Variants in ATP11B observed in about 807,000 individuals in gnomAD.
ATP11B encodes the protein phospholipid-transporting ATPase IF.
A neutral mutation model predicts 157.8 loss-of-function variants in ATP11B; 81 were observed. The observed-to-expected ratio is 0.51, with a 90% CI of 0.43 to 0.62. ATP11B has a LOEUF of 0.62. Among genes scored for constraint, ATP11B ranks in the 20% least tolerant of loss-of-function variants. The pLI, the probability that ATP11B is intolerant of heterozygous loss-of-function variation, is 0.00. For missense variants in ATP11B, 1,165 were observed against 1,402.2 expected, an observed-to-expected ratio of 0.83 and a Z score of 2.70; for synonymous variants, 451 against 469.4, an observed-to-expected ratio of 0.96 and a Z score of 0.51.
chr3:182,884,647 T>C (rs1722677852), intron 21 of ATP11B, 106 bp from the exon 22 acceptor site: 1 of 1,107,440 alleles, frequency 9.0e-7, no homozygotes. Flanking sequence ...TAGGATTTAA[T>C]GTTCCTAAGT....
intron 1 of ATP11B, among the ~76,000 whole-genome samples, chr3:182,813,779 G>A (rs1270843925): frequency 6.6e-6 from 1 of 151,952 alleles, no homozygotes; most frequent in Non-Finnish European, 1.5e-5. Context: ...CCAGGCTGGA[G>A]TGCAGTGGCA....
In ATP11B at chr3:182,848,473, C is replaced by T; in HGVS notation, c.770-3C>T. The T allele has an allele frequency of 6.7e-7, 1 of 1,487,360 alleles. No individual in the cohort carries two copies. Among genetic ancestry groups the T allele is most frequent in the Non-Finnish European group, 9.0e-7 (1 of 1,112,578 alleles). The allele number at this position is 1,487,360 out of a possible 1,614,324, so 92.1% of individuals were successfully genotyped here. A position where few individuals can be genotyped will look rare whatever the true frequency, so the allele number is the denominator to read the frequency against. ...TAAGAGACAATTTTGTTTTATTTTA[C>T]AGGTGTTGCGGTATACACTGGAATG... On this transcript the variant is annotated splice_region_variant and splice_polypyrimidine_tract_variant and intron_variant, in intron 9 of 29. Transcript: ENST00000323116.
intron 12 of ATP11B, among the ~76,000 whole-genome samples, chr3:182,861,466 C>A (rs1256776644): frequency 1.3e-5 from 2 of 152,076 alleles, no homozygotes; most frequent in Non-Finnish European, 2.9e-5. Flanking sequence ...CTTACCTGGA[C>A]CTGAAGTTTG....
At chr3:182,899,266 C>T (rs1490597664) in intron 28 of ATP11B, among the ~76,000 whole-genome samples, 1 of 151,418 alleles carries the variant, frequency 6.6e-6, no homozygotes, top group Non-Finnish European at 1.5e-5. Context: ...AGCAATTCTC[C>T]TCTCTCAGCC....
chr3:182,919,033 A>G lies in ATP11B; in HGVS notation c.*929A>G, dbSNP rs1577131997. The G allele has an allele frequency of 3.3e-5, 5 of 152,166 alleles. No homozygotes were observed. Among genetic ancestry groups the G allele is most frequent in the Admixed American group, 2.6e-4 (4 of 15,280 alleles). 9.4% of individuals were successfully genotyped at this position (152,166 alleles called of 1,614,324 possible). On this transcript the variant is annotated 3_prime_UTR_variant, in exon 30 of 30. Coordinates refer to ENST00000323116, the MANE Select transcript of ATP11B (RefSeq NM_014616.3). Reference sequence around the variant, plus strand: ...CATGACATCGTTGTACAGTTTAACTATATCAATAAAAAGTTTGGACAGTAT... The same window carrying G: ...CATGACATCGTTGTACAGTTTAACTGTATCAATAAAAAGTTTGGACAGTAT...
chr3:182,887,050 G>A (rs1159958607), intron 23 of ATP11B, among the ~76,000 whole-genome samples: 2 of 152,176 alleles, frequency 1.3e-5, no homozygotes, highest in Non-Finnish European at 2.9e-5. Context: ...TAAAGCATAG[G>A]CAAAGTGCTA....
intron 28 of ATP11B, among the ~76,000 whole-genome samples, chr3:182,899,279 GT>G (rs1723786504): frequency 6.7e-6 from 1 of 150,042 alleles, no homozygotes; most frequent in Non-Finnish European, 1.5e-5. Flanking sequence ...TCTCAGCCTT[GT>G]GAGCTGGGAT....
intron 14 of ATP11B, 28 bp downstream of exon 14, chr3:182,866,471 G>A (rs545157626): frequency 1.2e-4 from 177 of 1,463,032 alleles, no homozygotes; most frequent in Non-Finnish European, 1.5e-4. Flanking sequence ...CCAAATCTTC[G>A]GAAAAACACC....
chr3:182,793,723 C>G lies in ATP11B; in HGVS notation c.-37C>G. 7.2e-7 allele frequency: 1 copy of G among 1,396,700 alleles called. No individual in the cohort carries two copies. Among genetic ancestry groups the G allele is most frequent in the Non-Finnish European group, 9.4e-7 (1 of 1,066,796 alleles). 86.5% of individuals were successfully genotyped at this position (1,396,700 alleles called of 1,614,324 possible). A position where few individuals can be genotyped will look rare whatever the true frequency, so the allele number is the denominator to read the frequency against. ...GCCTCCACCTGCAGCCCCGCGGCCC[C>G]CGCGCCCCGCGGGACCCGGACGGCG... On this transcript the variant is annotated 5_prime_UTR_variant, in exon 1 of 30. Coordinates refer to ENST00000323116, the MANE Select transcript of ATP11B (RefSeq NM_014616.3).
chr3:182,874,946 C>T (rs139182258), intron 19 of ATP11B, among the ~76,000 whole-genome samples: 5 of 152,016 alleles, frequency 3.3e-5, no homozygotes, highest in East Asian at 3.9e-4. Context: ...TACTCTCTGG[C>T]CCGTAACAGA....
rs748064365 is a variant in ATP11B, at chr3:182,836,485, G to GT, written c.552+18dup. The GT allele has an allele frequency of 8.1e-6, 13 of 1,613,730 alleles. No individual in the cohort carries two copies. The highest frequency in any genetic ancestry group is 1.1e-5 in the South Asian group (1 of 91,042). The stretch of plus-strand genomic sequence containing the variant: ...CTAACCTGAAGGTTTGCTTGCATAT[G>GT]TTTGAGTATTGCTCTTGGTGAACAA... On this transcript the variant is annotated intron_variant, in intron 6 of 29. Coordinates refer to ENST00000323116, the MANE Select transcript of ATP11B (RefSeq NM_014616.3).
At chr3:182,909,498 C>G (rs951161529) in intron 28 of ATP11B, among the ~76,000 whole-genome samples, 1 of 152,014 alleles carries the variant, frequency 6.6e-6, no homozygotes, top group African/African-American at 2.4e-5. Flanking sequence ...AAGTGGTCTC[C>G]CAAAACATGT....
Position 182,809,235 on chromosome 3 carries a change from C to A in ATP11B, c.28-11025C>A, listed in dbSNP as rs971876176. Among the ~76,000 whole-genome samples the A allele has an allele frequency of 2.0e-5, 3 of 151,644 alleles. No individual in the cohort carries two copies. The East Asian group carries it at 5.8e-4, about 29-fold the overall frequency. ...ATTTTATTTATATTCTATTTTATTTCTTTTATTTAATTTTAATTATTTTAT... is the reference window on the plus strand; with the variant it reads ...ATTTTATTTATATTCTATTTTATTTATTTTATTTAATTTTAATTATTTTAT... On this transcript the variant is annotated intron_variant, in intron 1 of 29. Coordinates refer to ENST00000323116, the MANE Select transcript of ATP11B (RefSeq NM_014616.3).
intron 9 of ATP11B, 136 bp downstream of exon 9, chr3:182,845,658 G>A (rs1719455651): frequency 1.5e-6 from 1 of 646,582 alleles, no homozygotes; most frequent in Non-Finnish European, 2.4e-6. Context: ...TTCTTATAAA[G>A]TTTGTATTAC....
At chr3:182,840,657 G>C (rs535297058) in intron 7 of ATP11B, among the ~76,000 whole-genome samples, 1 of 152,164 alleles carries the variant, frequency 6.6e-6, no homozygotes, top group South Asian at 2.1e-4. Flanking sequence ...AGAAACCTTG[G>C]AATCAGCCGT....
At chr3:182,870,804 A>G (rs1721601977) in intron 17 of ATP11B, among the ~76,000 whole-genome samples, 2 of 151,426 alleles carry the variant, frequency 1.3e-5, no homozygotes, top group South Asian at 2.1e-4. Flanking sequence ...AAACCCCACC[A>G]GTAGTCCCAG....
rs540680833 is a variant in ATP11B, at chr3:182,819,107, C to T, written c.28-1153C>T. ...TTTTTTTTTTTTTGAGACGGAGTCTCTCCCCGTGTCCCAGGCTGGAGTGCA... is the reference window on the plus strand; with the variant it reads ...TTTTTTTTTTTTTGAGACGGAGTCTTTCCCCGTGTCCCAGGCTGGAGTGCA... On this transcript the variant is annotated intron_variant, in intron 1 of 29. Coordinates refer to ENST00000323116, the MANE Select transcript of ATP11B (RefSeq NM_014616.3). 1.2e-3 allele frequency among the ~76,000 whole-genome samples: 154 copies of T among 132,770 alleles called. 2 individuals carry two copies. The highest frequency in any genetic ancestry group is 4.0e-3 in the African/African-American group (141 of 34,992). The allele number at this position is 132,770 out of a possible 152,430, so 87.1% of individuals were successfully genotyped here.
chr3:182,911,128 T>C (rs1189806644), intron 28 of ATP11B, among the ~76,000 whole-genome samples: 1 of 152,086 alleles, frequency 6.6e-6, no homozygotes, highest in Non-Finnish European at 1.5e-5. Context: ...ACAACTGGTC[T>C]TTTTGCAAGG....
chr3:182,861,478 C>T (rs756305187), intron 12 of ATP11B, among the ~76,000 whole-genome samples: 8 of 152,136 alleles, frequency 5.3e-5, no homozygotes, highest in Non-Finnish European at 1.2e-4. Flanking sequence ...TGAAGTTTGC[C>T]TGTGGAAGAT....
Sources: allele counts gnomAD v4.1 joint callset (sites outside exome capture counted in the v4.1 genomes callset), GRCh38; gene constraint gnomAD v4.1.1; transcripts MANE v1.5; gene names NCBI Gene and HGNC (gene_info 2026-07-23, HGNC 2026-07-21).